PEX5L: variants seen among roughly 807,000 people sequenced by gnomAD.
The protein encoded by PEX5L is peroxisomal biogenesis factor 5 like.
A neutral mutation model predicts 84.0 loss-of-function variants in PEX5L; 30 were observed. The observed-to-expected ratio is 0.36, with a 90% CI of 0.27 to 0.48. The LOEUF (loss-of-function observed/expected upper bound fraction) is 0.48. Ranked by LOEUF, PEX5L falls within the 20% of genes least tolerant of loss-of-function variation. The pLI, the probability that PEX5L is intolerant of heterozygous loss-of-function variation, is 0.99. For missense variants in PEX5L, 533 were observed against 754.6 expected (o/e 0.71, Z 3.44); for synonymous variants, 270 against 283.1 (o/e 0.95, Z 0.46).
intron 14 of PEX5L, among the ~76,000 whole-genome samples, chr3:179,805,197 T>G (rs1720815821): frequency 6.7e-6 from 1 of 149,226 alleles, no homozygotes; most frequent in African/African-American, 2.5e-5. Context: ...TTCTTACCAC[T>G]TCTCAGATTT....
intron 1 of PEX5L, among the ~76,000 whole-genome samples, chr3:180,023,367 C>G (rs373611614): frequency 7.2e-5 from 11 of 152,136 alleles, no homozygotes; most frequent in African/African-American, 2.4e-4. Flanking sequence ...TCAGGGATAG[C>G]TTTACAGGAA....
intron 2 of PEX5L, among the ~76,000 whole-genome samples, chr3:179,938,520 G>A (rs533683841): frequency 2.0e-5 from 3 of 152,302 alleles, no homozygotes; most frequent in South Asian, 2.1e-4. Context: ...GGGAAATAGC[G>A]TGTTTAACAA....
chr3:179,883,938 C>A (rs1754954866), intron 4 of PEX5L, among the ~76,000 whole-genome samples: 1 of 152,186 alleles, frequency 6.6e-6, no homozygotes, highest in Non-Finnish European at 1.5e-5. Context: ...GAAGATTCTA[C>A]TGAAAGCATT....
At chr3:179,865,493 C>A (rs975464878) in intron 7 of PEX5L, among the ~76,000 whole-genome samples, 1 of 151,802 alleles carries the variant, frequency 6.6e-6, no homozygotes, top group African/African-American at 2.4e-5. Flanking sequence ...TAAAGATCAG[C>A]CTTCCTTTCA....
intron 2 of PEX5L, among the ~76,000 whole-genome samples, chr3:179,905,653 A>ATT (rs35967860): frequency 2.5e-4 from 37 of 147,456 alleles, no homozygotes; most frequent in South Asian, 1.1e-3. Flanking sequence ...AGTTCTTGCC[A>ATT]TTTTTTTTTT....
At chr3:179,985,068 G>C (rs1407675604) in intron 1 of PEX5L, among the ~76,000 whole-genome samples, 1 of 152,156 alleles carries the variant, frequency 6.6e-6, no homozygotes, top group African/African-American at 2.4e-5. Context: ...ATGCACTTCT[G>C]CTCTTGTACA....
chr3:179,977,370 C>T (rs913761562), intron 1 of PEX5L, among the ~76,000 whole-genome samples: 2 of 152,142 alleles, frequency 1.3e-5, no homozygotes, highest in African/African-American at 4.8e-5. Context: ...GCGACCCTTG[C>T]AGTAAGCCTG....
intron 2 of PEX5L, among the ~76,000 whole-genome samples, chr3:179,940,176 A>T (rs778874922): frequency 3.3e-5 from 5 of 152,120 alleles, no homozygotes; most frequent in African/African-American, 4.8e-5. Flanking sequence ...AGACACAAGG[A>T]GCCTGGACTT....
intron 12 of PEX5L, among the ~76,000 whole-genome samples, 174 bp downstream of exon 12, chr3:179,809,297 C>G (rs962800058): frequency 6.6e-6 from 1 of 151,906 alleles, no homozygotes; most frequent in Non-Finnish European, 1.5e-5. Context: ...CGAAGGTTGG[C>G]CCTGGTCTAA....
At chr3:179,935,870 CT>C (rs1774437145) in intron 2 of PEX5L, among the ~76,000 whole-genome samples, 1 of 152,164 alleles carries the variant, frequency 6.6e-6, no homozygotes, top group Non-Finnish European at 1.5e-5. Flanking sequence ...GAATGGGTTG[CT>C]ATAAAGTGAA....
chr3:179,884,347 G>T (rs1478045311), intron 4 of PEX5L, among the ~76,000 whole-genome samples: 1 of 152,134 alleles, frequency 6.6e-6, no homozygotes, highest in Non-Finnish European at 1.5e-5. Flanking sequence ...CAGTTAGGGG[G>T]GTCAGAGCCA....
chr3:179,957,690 T>G (rs1264103474), intron 2 of PEX5L, among the ~76,000 whole-genome samples: 1 of 152,180 alleles, frequency 6.6e-6, no homozygotes, highest in African/African-American at 2.4e-5. Flanking sequence ...TCTGGTTTTG[T>G]GCCAGGTGTA....
chr3:179,888,833 T>C (rs1756725074), intron 3 of PEX5L, among the ~76,000 whole-genome samples: 1 of 152,132 alleles, frequency 6.6e-6, no homozygotes, highest in African/African-American at 2.4e-5. Flanking sequence ...GGCATGATCA[T>C]AACTCACCGC....
intron 7 of PEX5L, 148 bp downstream of exon 7, chr3:179,874,179 G>A (rs1751347260): frequency 2.2e-6 from 1 of 459,566 alleles, no homozygotes; most frequent in Non-Finnish European, 3.8e-6. Context: ...GCTATTTTAA[G>A]TATTGAGATA....
chr3:179,865,770 A>C (rs1019818136), intron 7 of PEX5L, among the ~76,000 whole-genome samples: 1 of 152,168 alleles, frequency 6.6e-6, no homozygotes, highest in African/African-American at 2.4e-5. Flanking sequence ...GGGGACTCCG[A>C]TTCAGTAGGT....
chr3:180,034,384 G>C (rs1430458791), intron 1 of PEX5L, among the ~76,000 whole-genome samples: 1 of 152,160 alleles, frequency 6.6e-6, no homozygotes, highest in Non-Finnish European at 1.5e-5. Context: ...ATTTTGGAGT[G>C]TTTGGAATGT....
chr3:179,820,142 G>A (rs555708299), intron 8 of PEX5L, 166 bp from the exon 9 acceptor site: 9 of 853,968 alleles, frequency 1.1e-5, no homozygotes, highest in Non-Finnish European at 1.8e-6. Context: ...GTACTCACTG[G>A]TCAGAGTGTT....
chr3:179,965,532 T>G (rs1783114111), intron 2 of PEX5L, among the ~76,000 whole-genome samples: 1 of 152,238 alleles, frequency 6.6e-6, no homozygotes, highest in Non-Finnish European at 1.5e-5. Context: ...TTTCCTCAGC[T>G]ATCTTACCTG....
intron 2 of PEX5L, among the ~76,000 whole-genome samples, chr3:179,920,804 T>C (rs1172155976): frequency 6.6e-6 from 1 of 152,168 alleles, no homozygotes; most frequent in Non-Finnish European, 1.5e-5. Flanking sequence ...TAATAAATGC[T>C]CGGAAAGTAT....
Sources: allele counts gnomAD v4.1 joint callset (sites outside exome capture counted in the v4.1 genomes callset), GRCh38; gene constraint gnomAD v4.1.1; transcripts MANE v1.5; gene names NCBI Gene and HGNC (gene_info 2026-07-23, HGNC 2026-07-21).